Variants in FHIT observed in about 807,000 individuals in gnomAD.
FHIT encodes bis(5'-adenosyl)-triphosphatase.
A neutral mutation model predicts 17.9 loss-of-function variants in FHIT; 19 were observed. That is an observed-to-expected ratio of 1.06 (90% CI 0.74 to 1.56). The LOEUF (loss-of-function observed/expected upper bound fraction) is 1.56, where lower values mean the gene tolerates loss of function less well. Among genes scored for constraint, FHIT ranks in the 40% most tolerant of loss-of-function variants. The pLI is 0.00. For synonymous variants in FHIT, 81 were observed against 69.7 expected, an observed-to-expected ratio of 1.16 and a Z score of -0.81; for missense variants, 248 against 189.2, an observed-to-expected ratio of 1.31 and a Z score of -1.82.
chr3:60,475,179 C>T (rs1283202521), intron 5 of FHIT, among the ~76,000 whole-genome samples: 2 of 151,242 alleles, frequency 1.3e-5, no homozygotes, highest in Non-Finnish European at 2.9e-5. Context: ...GGGCCAGAGA[C>T]TCTTTGTTCA....
chr3:59,972,319 T>G (rs1708221909), intron 7 of FHIT, among the ~76,000 whole-genome samples: 1 of 152,082 alleles, frequency 6.6e-6, no homozygotes, highest in Admixed American at 6.6e-5. Flanking sequence ...GTAAGAATAT[T>G]ATTGCCAGCA....
chr3:60,530,509 A>C (rs2035737452), intron 5 of FHIT, among the ~76,000 whole-genome samples: 1 of 152,192 alleles, frequency 6.6e-6, no homozygotes, highest in African/African-American at 2.4e-5. Flanking sequence ...TAAAGATGTC[A>C]GTCTCGGCTC....
At chr3:60,089,381 A>G (rs1325291416) in intron 5 of FHIT, among the ~76,000 whole-genome samples, 2 of 152,286 alleles carry the variant, frequency 1.3e-5, no homozygotes, top group South Asian at 4.1e-4. Context: ...GGAAGGAACC[A>G]TGATTCCCTG....
chr3:60,063,236 T>TCC (rs1702365243), intron 5 of FHIT, among the ~76,000 whole-genome samples: 1 of 152,158 alleles, frequency 6.6e-6, no homozygotes, highest in African/African-American at 2.4e-5. Flanking sequence ...AGCAACAAGG[T>TCC]CCCGACTGAC....
At position 60,386,472 on chromosome 3, in the gene FHIT, T is replaced by C. The variant is rs181385102; in HGVS notation, c.103+150388A>G. Among the ~76,000 whole-genome samples, 4 of 152,300 alleles carry C rather than the reference T, an allele frequency of 2.6e-5. No individual in the cohort carries two copies. In the East Asian group the frequency reaches 7.7e-4, roughly 29 times the overall value. ...ATCCATGGTTATTGCACCATCCACT[T>C]GTTCCTCTTCCTGTACTCTTGTCAT... On this transcript the variant is annotated intron_variant, in intron 5 of 9. Coordinates refer to ENST00000492590, the MANE Select transcript of FHIT (RefSeq NM_002012.4).
At chr3:60,519,625 C>T in intron 5 of FHIT, among the ~76,000 whole-genome samples, 1 of 152,084 alleles carries the variant, frequency 6.6e-6, no homozygotes, top group African/African-American at 2.4e-5. Flanking sequence ...AGAGAAAAGA[C>T]ATTTACAGTA....
chr3:60,252,388 T>G (rs979876347), intron 5 of FHIT, among the ~76,000 whole-genome samples: 11 of 151,750 alleles, frequency 7.2e-5, no homozygotes, highest in Non-Finnish European at 8.8e-5. Flanking sequence ...TATAAAAAAA[T>G]TTTAAAAATT....
At position 60,793,362 on chromosome 3, in the gene FHIT, G is replaced by A. The variant is rs115963128; in HGVS notation, c.-18+28557C>T. Among the ~76,000 whole-genome samples the A allele has an allele frequency of 6.8e-3, 1,039 of 151,844 alleles. 18 individuals are homozygous for A. The highest frequency in any genetic ancestry group is 0.024 in the African/African-American group (980 of 41,390). On this transcript the variant is annotated intron_variant, in intron 4 of 9. Coordinates refer to ENST00000492590, the MANE Select transcript of FHIT (RefSeq NM_002012.4). ...TGTCGCCCAGGCTGGAGTGCAGTGG[G>A]CAAGATCTCAGCTCACTACAATCTC...
At chr3:60,105,466 T>C (rs940097198) in intron 5 of FHIT, among the ~76,000 whole-genome samples, 2 of 152,200 alleles carry the variant, frequency 1.3e-5, no homozygotes, top group African/African-American at 4.8e-5. Flanking sequence ...GTGGCTTCTC[T>C]ACTTTTCTAG....
chr3:60,370,342 T>G (rs967939584), intron 5 of FHIT, among the ~76,000 whole-genome samples: 6 of 152,200 alleles, frequency 3.9e-5, no homozygotes, highest in Non-Finnish European at 7.3e-5. Context: ...ATCTTAGAAA[T>G]TAACTGTTCG....
At chr3:59,793,816 T>C (rs774629676) in intron 8 of FHIT, among the ~76,000 whole-genome samples, 9 of 152,124 alleles carry the variant, frequency 5.9e-5, no homozygotes, top group Non-Finnish European at 1.3e-4. Context: ...GAGTTTGGCT[T>C]TGGAGGGAAA....
At chr3:60,742,010 A>C (rs1172368510) in intron 4 of FHIT, among the ~76,000 whole-genome samples, 1 of 152,200 alleles carries the variant, frequency 6.6e-6, no homozygotes, top group East Asian at 1.9e-4. Flanking sequence ...GAAGTTTCCC[A>C]GGATATTCTG....
chr3:60,455,377 C>T lies in FHIT; in HGVS notation c.103+81483G>A, dbSNP rs76323205. On this transcript the variant is annotated intron_variant, in intron 5 of 9. Transcript: ENST00000492590. ...ATTGAGCTTCAGCTCAGCAATCTTA[C>T]GGCCATTTACAAGGTGACTGATGAG... Among the ~76,000 whole-genome samples, 385 of 152,224 alleles carry T rather than the reference C, an allele frequency of 2.5e-3. 1 individual carries two copies. The highest frequency in any genetic ancestry group is 7.5e-3 in the African/African-American group (310 of 41,536).
chr3:59,870,700 G>A (rs1262721476), intron 8 of FHIT, among the ~76,000 whole-genome samples: 1 of 152,092 alleles, frequency 6.6e-6, no homozygotes, highest in Non-Finnish European at 1.5e-5. Flanking sequence ...CAAAACCAGG[G>A]AGCCCAGCCT....
intron 6 of FHIT, among the ~76,000 whole-genome samples, chr3:60,013,712 C>G (rs1290134637): frequency 6.6e-6 from 1 of 152,116 alleles, no homozygotes; most frequent in Non-Finnish European, 1.5e-5. Flanking sequence ...AATGATTTTT[C>G]CAGTCCCAGT....
intron 3 of FHIT, among the ~76,000 whole-genome samples, chr3:60,863,185 A>G (rs1367303615): frequency 6.6e-6 from 1 of 152,206 alleles, no homozygotes; most frequent in African/African-American, 2.4e-5. Context: ...TGAGGACCAG[A>G]AAGAGGCCTG....
At chr3:61,209,463 A>G (rs1576223119) in intron 1 of FHIT, among the ~76,000 whole-genome samples, 3 of 152,154 alleles carry the variant, frequency 2.0e-5, no homozygotes, top group Non-Finnish European at 2.9e-5. Context: ...CCAATCAGAC[A>G]TAGATTTGGT....
At chr3:61,172,478 G>A (rs906873114) in intron 2 of FHIT, among the ~76,000 whole-genome samples, 1 of 152,156 alleles carries the variant, frequency 6.6e-6, no homozygotes, top group Non-Finnish European at 1.5e-5. Flanking sequence ...GCTGAGGCAC[G>A]AGGGACAGAA....
At position 60,877,829 on chromosome 3, in the gene FHIT, G is replaced by A. The variant is rs576595152; in HGVS notation, c.-110-55818C>T. Among the ~76,000 whole-genome samples the A allele has an allele frequency of 4.7e-4, 71 of 152,040 alleles. 3 individuals carry two copies. The highest frequency in any genetic ancestry group is 1.7e-3 in the African/African-American group (69 of 41,474). On this transcript the variant is annotated intron_variant, in intron 3 of 9. Transcript: ENST00000492590. Reference sequence around the variant, plus strand: ...ACTGCTAAGACCTGCTGTTTCCTGGGGAGTGGACTCATCACTGTGCTACTC... The same window carrying A: ...ACTGCTAAGACCTGCTGTTTCCTGGAGAGTGGACTCATCACTGTGCTACTC...
Sources: gnomAD v4.1 joint callset for allele counts (sites outside exome capture counted in the v4.1 genomes callset) on GRCh38, gnomAD v4.1.1 for gene constraint, MANE v1.5 for transcripts, NCBI Gene and HGNC (gene_info 2026-07-23, HGNC 2026-07-21) for gene names.